Variants in ASPSCR1 observed in about 807,000 individuals in gnomAD.
ASPSCR1 encodes the protein tether containing UBX domain for GLUT4.
In ASPSCR1, 55 loss-of-function variants were observed where a neutral mutation model predicts 68.9. That is an observed-to-expected ratio of 0.80 (90% CI 0.64 to 1.00). The LOEUF (loss-of-function observed/expected upper bound fraction) is 1.00. Ranked by LOEUF, ASPSCR1 falls within the 50% of genes least tolerant of loss-of-function variation. The probability of loss-of-function intolerance (pLI) is 0.00; values close to 1 mark genes in which losing one functional copy is unlikely to be tolerated. For synonymous variants in ASPSCR1, 352 were observed against 332.6 expected, an observed-to-expected ratio of 1.06 and a Z score of -0.63; for missense variants, 765 against 762.2, an observed-to-expected ratio of 1.00 and a Z score of -0.04.
chr17:81,977,754 GC>G lies in ASPSCR1; in HGVS notation c.102+8del, dbSNP rs2041645537. On this transcript the variant is annotated splice_region_variant and intron_variant, in intron 1 of 15. Transcript: ENST00000306739. This position sits in a 1 kb window ranked among gnomAD's most constrained non-coding sequence, Gnocchi z 5.0. ...CGAGCACCGTGCTGCTTCAGGTGCG[GC>G]CGCCCGCCCGGGGCGGACGGGTAGG... 8.1e-7 allele frequency: 1 copy of G among 1,228,560 alleles called. No homozygotes were observed. Among genetic ancestry groups the G allele is most frequent in the Non-Finnish European group, 1.0e-6 (1 of 984,252 alleles). The allele number at this position is 1,228,560 out of a possible 1,614,324, so 76.1% of individuals were successfully genotyped here. A position where few individuals can be genotyped will look rare whatever the true frequency, so the allele number is the denominator to read the frequency against.
rs1384373975 is a variant in ASPSCR1, at chr17:81,987,941, C to CCT, written c.374+2334_374+2335insCT. ...TTGGGAGGCTGAGGCGGGTGGATCA[C>CCT]GAGGTCAGGAGTTCGAGACCAGCCT... On this transcript the variant is annotated intron_variant, in intron 4 of 15. Transcript: ENST00000306739. This position sits in a 1 kb window ranked among gnomAD's most constrained non-coding sequence, Gnocchi z 5.6. 2.0e-5 allele frequency among the ~76,000 whole-genome samples: 3 copies of CCT among 151,858 alleles called. No homozygotes were observed. In the East Asian group the frequency reaches 5.8e-4, roughly 29 times the overall value.
intron 9 of ASPSCR1, among the ~76,000 whole-genome samples, chr17:82,010,209 A>G (rs1457839031): frequency 6.8e-6 from 1 of 147,710 alleles, no homozygotes; most frequent in Non-Finnish European, 1.5e-5. Flanking sequence ...GGCTTGAGCC[A>G]CCACACCTGG....
intron 12 of ASPSCR1, chr17:82,014,017 T>G (rs895855454): frequency 6.6e-6 from 1 of 152,264 alleles, no homozygotes; most frequent in Admixed American, 6.5e-5. Flanking sequence ...TTCCTTCCAT[T>G]GGCTTTGGCA....
chr17:82,009,102 G>A lies in ASPSCR1; in HGVS notation c.999G>A (p.Leu333=), dbSNP rs772079890. ...VVCHPDLEER[L]QAWPAELPDE... Reference sequence around the variant, plus strand: ...GCCACCCCGACCTGGAGGAGCGGCTGCAGGCCTGGCCAGCGGAGCTGCCTG... The same window carrying A: ...GCCACCCCGACCTGGAGGAGCGGCTACAGGCCTGGCCAGCGGAGCTGCCTG... Residue 333 remains leucine, a synonymous_variant, in exon 8 of 16, where the codon CTG becomes CTA. Coordinates refer to ENST00000306739, the MANE Select transcript of ASPSCR1 (RefSeq NM_024083.4). 3.8e-6 allele frequency: 6 copies of A among 1,595,478 alleles called. 1 individual carries two copies. The Admixed American group carries it at 5.2e-5, about 14-fold the overall frequency.
At chr17:82,003,284 A>G (rs1476128725) in intron 7 of ASPSCR1, among the ~76,000 whole-genome samples, 1 of 152,122 alleles carries the variant, frequency 6.6e-6, no homozygotes, top group African/African-American at 2.4e-5. Context: ...CATCTCTACA[A>G]AGGAAATTTA....
Position 81,983,500 on chromosome 17 carries a change from G to A in ASPSCR1, c.159-54G>A. On this transcript the variant is annotated intron_variant, in intron 2 of 15. Transcript: ENST00000306739. This position sits in a 1 kb window ranked among gnomAD's most constrained non-coding sequence, Gnocchi z 4.4. Reference sequence around the variant, plus strand: ...GGACGGGGATGGCGGGGCGTGGATGGCAGGGCGTGTCAGGCTCTGCAGGGC... The same window carrying A: ...GGACGGGGATGGCGGGGCGTGGATGACAGGGCGTGTCAGGCTCTGCAGGGC... 1.4e-6 allele frequency: 2 copies of A among 1,438,240 alleles called. No homozygotes were observed. The highest frequency in any genetic ancestry group is 1.9e-6 in the Non-Finnish European group (2 of 1,038,820). The allele number at this position is 1,438,240 out of a possible 1,614,324, so 89.1% of individuals were successfully genotyped here.
chr17:81,985,767 C>T (rs2041975241), intron 4 of ASPSCR1, among the ~76,000 whole-genome samples, 160 bp downstream of exon 4: 1 of 152,146 alleles, frequency 6.6e-6, no homozygotes, highest in Non-Finnish European at 1.5e-5. Context: ...GTGTGGGCTG[C>T]CGGTTCATGA....
chr17:82,015,556 C>T (rs1468407640), intron 12 of ASPSCR1: 10 of 717,806 alleles, frequency 1.4e-5, no homozygotes, highest in South Asian at 9.5e-5. Context: ...CTCTCTGCAT[C>T]GGTGGCCTCT....
intron 11 of ASPSCR1, chr17:82,011,969 T>G (rs1598433264): frequency 1.6e-6 from 1 of 620,010 alleles, no homozygotes. Context: ...GGTGTCTAGG[T>G]GGCAAAGGGT....
chr17:82,010,547 A>AAAAAAC lies in ASPSCR1; in HGVS notation c.1171-254_1171-249dup, dbSNP rs1567990599. Among the ~76,000 whole-genome samples the AAAAAAC allele has an allele frequency of 3.8e-4, 54 of 141,300 alleles. 7 individuals carry two copies. The highest frequency in any genetic ancestry group is 4.6e-4 in the Non-Finnish European group (30 of 65,720). 92.7% of individuals were successfully genotyped at this position (141,300 alleles called of 152,430 possible). A position where few individuals can be genotyped will look rare whatever the true frequency, so the allele number is the denominator to read the frequency against. On this transcript the variant is annotated intron_variant, in intron 9 of 15. Coordinates refer to ENST00000306739, the MANE Select transcript of ASPSCR1 (RefSeq NM_024083.4). The stretch of plus-strand genomic sequence containing the variant: ...CCATCTCAAAAAAAAAAAAAAAAAA[A>AAAAAAC]AAAAACCAGCACATTTGAACCCAGG...
Position 81,990,659 on chromosome 17 carries a change from C to A in ASPSCR1, c.375-4162C>A, listed in dbSNP as rs967040293. On this transcript the variant is annotated intron_variant, in intron 4 of 15. Transcript: ENST00000306739. This position sits in a 1 kb window ranked among gnomAD's most constrained non-coding sequence, Gnocchi z 4.1. The stretch of plus-strand genomic sequence containing the variant: ...TCTTTATTACGGGGAGTGTGCCTTC[C>A]GTGATAGGAGACGCATGAGATGGAA... Among the ~76,000 whole-genome samples, 3 of 152,142 alleles carry A rather than the reference C, an allele frequency of 2.0e-5. No individual in the cohort carries two copies. In the South Asian group the frequency reaches 6.2e-4, roughly 32 times the overall value.
intron 7 of ASPSCR1, chr17:82,008,665 G>A (rs1432407859): frequency 5.1e-6 from 1 of 196,576 alleles, no homozygotes; most frequent in Non-Finnish European, 1.0e-5. Flanking sequence ...GCTGGACTGG[G>A]GTTTTTGCCG....
chr17:82,006,283 G>A (rs1164823673), intron 7 of ASPSCR1: 2 of 150,912 alleles, frequency 1.3e-5, no homozygotes, highest in African/African-American at 4.9e-5. Flanking sequence ...CCTTGCGGGT[G>A]CACGTGCGTG....
intron 3 of ASPSCR1, among the ~76,000 whole-genome samples, chr17:81,985,145 T>C (rs927539202): frequency 7.4e-6 from 1 of 135,182 alleles, no homozygotes; most frequent in Non-Finnish European, 1.6e-5. Context: ...CACGCACATC[T>C]GCACGCACAT....
At chr17:81,985,391 C>T (rs1391548529) in intron 3 of ASPSCR1, 116 bp from the exon 4 acceptor site, 4 of 1,086,542 alleles carry the variant, frequency 3.7e-6, no homozygotes, top group Non-Finnish European at 5.4e-6. Context: ...GTCAGCCTCT[C>T]CCTGGAGGCC....
chr17:81,983,687 G>C lies in ASPSCR1; in HGVS notation c.273+19G>C, dbSNP rs1299856662. 3.8e-6 allele frequency: 6 copies of C among 1,583,434 alleles called. No individual in the cohort carries two copies. On this transcript the variant is annotated intron_variant, in intron 3 of 15. Coordinates refer to ENST00000306739, the MANE Select transcript of ASPSCR1 (RefSeq NM_024083.4). This position sits in a 1 kb window ranked among gnomAD's most constrained non-coding sequence, Gnocchi z 4.4. ...GAACATGGTGGGTCGTGCTCTGGGG[G>C]AGGCTGACTGTGTGGGGCACAGGAT...
At chr17:81,978,327 C>A (rs572824806) in intron 1 of ASPSCR1, 2 of 152,136 alleles carry the variant, frequency 1.3e-5, no homozygotes, top group African/African-American at 4.8e-5. Flanking sequence ...TCAAGACCAT[C>A]CTGGCTAAAA....
intron 5 of ASPSCR1, 82 bp downstream of exon 5, chr17:81,994,960 G>T: frequency 4.9e-6 from 7 of 1,428,068 alleles, no homozygotes; most frequent in African/African-American, 1.4e-5. Context: ...TCCCGCAGCC[G>T]TCTCCAGGGC....
chr17:82,010,970 C>A, intron 10 of ASPSCR1, 102 bp downstream of exon 10: 1 of 1,400,106 alleles, frequency 7.1e-7, no homozygotes, highest in Admixed American at 1.9e-5. Context: ...ACCTGGCCTG[C>A]GGGCTCCAGG....
Sources: gnomAD v4.1 joint callset for allele counts (sites outside exome capture counted in the v4.1 genomes callset) on GRCh38, gnomAD v4.1.1 for gene constraint, Gnocchi (gnomAD v3.1) non-coding constraint, MANE v1.5 for transcripts, NCBI Gene and HGNC (gene_info 2026-07-23, HGNC 2026-07-21) for gene names.